ESR1: variants seen among roughly 807,000 people sequenced by gnomAD.
ESR1 encodes the protein estrogen receptor.
Under a neutral mutation model 52.7 loss-of-function variants are expected in ESR1, and 12 were observed. That is an observed-to-expected ratio of 0.23 (90% CI 0.15 to 0.37). ESR1 has a LOEUF of 0.37. ESR1 is among the 10% of genes least tolerant of loss of function. The pLI is 1.00. For missense variants in ESR1, 584 were observed against 779.7 expected (o/e 0.75, Z 2.99); for synonymous variants, 305 against 316.8 (o/e 0.96, Z 0.39).
chr6:151,974,939 G>A (rs755646370), intron 4 of ESR1, among the ~76,000 whole-genome samples: 3 of 152,128 alleles, frequency 2.0e-5, no homozygotes, highest in East Asian at 3.9e-4. Flanking sequence ...ACTACACAGC[G>A]GAAGTCAGCT....
At chr6:152,031,263 G>C (rs2044674127) in intron 5 of ESR1, among the ~76,000 whole-genome samples, 1 of 152,124 alleles carries the variant, frequency 6.6e-6, no homozygotes, top group South Asian at 2.1e-4. Flanking sequence ...TCAAAAGCTA[G>C]CAGAAGACAA....
At chr6:151,775,745 C>CAAA (rs397954103) in intron 2 of ESR1, among the ~76,000 whole-genome samples, 13 of 77,364 alleles carry the variant, frequency 1.7e-4, no homozygotes, top group African/African-American at 4.3e-4. Context: ...GACTCCGTCT[C>CAAA]AAAAAAAAAA....
At chr6:152,025,205 C>CTT (rs144645557) in intron 5 of ESR1, among the ~76,000 whole-genome samples, 2 of 127,468 alleles carry the variant, frequency 1.6e-5, no homozygotes, top group Non-Finnish European at 3.4e-5. Context: ...CTTCATCACG[C>CTT]TTTTTTTTTT....
At chr6:151,711,244 T>A (rs1780585790) in intron 2 of ESR1, among the ~76,000 whole-genome samples, 1 of 151,212 alleles carries the variant, frequency 6.6e-6, no homozygotes, top group African/African-American at 2.4e-5. Context: ...TTTTTTGAGA[T>A]GGAGTCTCAC....
intron 4 of ESR1, among the ~76,000 whole-genome samples, chr6:151,958,906 T>G (rs1247075209): frequency 1.3e-5 from 2 of 152,130 alleles, no homozygotes; most frequent in Non-Finnish European, 2.9e-5. Context: ...TTTGCCCCTC[T>G]TTGGGATTCA....
chr6:151,656,800 T>G (rs1271703632), intron 1 of ESR1: 1 of 152,178 alleles, frequency 6.6e-6, no homozygotes, highest in East Asian at 1.9e-4. Flanking sequence ...TAACTTTCCC[T>G]TGGACAACTG....
At chr6:151,876,253 G>A (rs1359851563) in intron 2 of ESR1, among the ~76,000 whole-genome samples, 3 of 152,128 alleles carry the variant, frequency 2.0e-5, no homozygotes, top group African/African-American at 7.2e-5. Context: ...ACAGACTGGC[G>A]AGGAAAGAAG....
chr6:151,711,646 T>G (rs986316109), intron 2 of ESR1, among the ~76,000 whole-genome samples: 40 of 152,350 alleles, frequency 2.6e-4, no homozygotes, highest in African/African-American at 8.9e-4. Context: ...GTTGGCCGCA[T>G]AAATGACTTC....
At chr6:151,837,138 T>TTTTC (rs1783476512) in intron 1 of ESR1, among the ~76,000 whole-genome samples, 1 of 151,072 alleles carries the variant, frequency 6.6e-6, no homozygotes, top group African/African-American at 2.4e-5. Context: ...TTTTTTTTTT[T>TTTTC]CACCCAGGCT....
At chr6:151,780,617 G>A (rs150887932) in intron 2 of ESR1, among the ~76,000 whole-genome samples, 41 of 152,238 alleles carry the variant, frequency 2.7e-4, no homozygotes, top group African/African-American at 9.6e-4. Context: ...AAAAATGCTG[G>A]ACTTTCAAGT....
chr6:151,768,390 A>G (rs1408578950), intron 2 of ESR1, among the ~76,000 whole-genome samples: 1 of 152,206 alleles, frequency 6.6e-6, no homozygotes, highest in Non-Finnish European at 1.5e-5. Flanking sequence ...AACTCTTCAA[A>G]ATTGTCAAGG....
At chr6:151,956,843 A>AATATATAT (rs1253747719) in intron 4 of ESR1, among the ~76,000 whole-genome samples, 111 of 44,464 alleles carry the variant, frequency 2.5e-3, no homozygotes, top group African/African-American at 8.0e-3. Context: ...AATATAAATA[A>AATATATAT]ATATATATAT....
At chr6:151,822,843 C>G (rs1780786714) in intron 1 of ESR1, among the ~76,000 whole-genome samples, 1 of 152,058 alleles carries the variant, frequency 6.6e-6, no homozygotes, top group African/African-American at 2.4e-5. Context: ...TCCCACTGGC[C>G]CAAGACTTAG....
In ESR1 at chr6:151,840,644, C is replaced by T. The variant is rs9340793; in HGVS notation, c.453-1953C>T. Among the ~76,000 whole-genome samples, 166 of 152,202 alleles carry T rather than the reference C, an allele frequency of 1.1e-3. 1 individual carries two copies. The East Asian group carries it at 0.017, about 15-fold the overall frequency. On this transcript the variant is annotated intron_variant, in intron 1 of 7. Coordinates refer to ENST00000206249, the MANE Select transcript of ESR1 (RefSeq NM_000125.4). ...GAAAGACAGGGCTTGTGAAGGGGAGCGCCAGTGAAAGTCAGTGTGGTTCGG... is the reference window on the plus strand; with the variant it reads ...GAAAGACAGGGCTTGTGAAGGGGAGTGCCAGTGAAAGTCAGTGTGGTTCGG...
intron 1 of ESR1, chr6:151,811,021 A>C (rs2128165156): frequency 6.6e-6 from 1 of 152,364 alleles, no homozygotes; most frequent in Middle Eastern, 3.4e-3. Flanking sequence ...TGGTGCTGTC[A>C]TGTGGACTGT....
At chr6:152,025,875 A>T (rs2982701) in intron 5 of ESR1, among the ~76,000 whole-genome samples, 8,207 of 151,782 alleles carry the variant, frequency 0.054, 290 homozygotes, top group South Asian at 0.1. Context: ...TCAAAGCATC[A>T]GTTTTCGCTG....
intron 2 of ESR1, among the ~76,000 whole-genome samples, chr6:151,851,640 G>A (rs1247182992): frequency 6.6e-6 from 1 of 151,030 alleles, no homozygotes; most frequent in African/African-American, 2.4e-5. Context: ...CAATTCTCCT[G>A]CCTCAGCCTC....
intron 5 of ESR1, among the ~76,000 whole-genome samples, chr6:152,057,195 G>A (rs903948434): frequency 2.6e-5 from 4 of 152,124 alleles, no homozygotes; most frequent in Admixed American, 6.6e-5. Context: ...ATAGATATGT[G>A]CCAGATTGTA....
intron 5 of ESR1, among the ~76,000 whole-genome samples, chr6:152,054,638 A>G: frequency 6.6e-6 from 1 of 152,150 alleles, no homozygotes; most frequent in East Asian, 1.9e-4. Flanking sequence ...GGAGCCTTTT[A>G]TTAACCACTC....
Sources: gnomAD v4.1 joint callset for allele counts (sites outside exome capture counted in the v4.1 genomes callset) on GRCh38, gnomAD v4.1.1 for gene constraint, MANE v1.5 for transcripts, NCBI Gene and HGNC (gene_info 2026-07-23, HGNC 2026-07-21) for gene names.